Variants in TCF12 observed in about 807,000 individuals in gnomAD.
The protein encoded by TCF12 is DNA-binding protein HTF4.
TCF12 carries 45 observed loss-of-function variants against 86.0 expected under a neutral mutation model. That is an observed-to-expected ratio of 0.52 (90% CI 0.41 to 0.67). The LOEUF is 0.67. Ranked by LOEUF, TCF12 falls within the 30% of genes least tolerant of loss-of-function variation. The pLI is 0.00. For missense variants in TCF12, 881 were observed against 859.9 expected, an observed-to-expected ratio of 1.02 and a Z score of -0.31; for synonymous variants, 330 against 299.6, an observed-to-expected ratio of 1.10 and a Z score of -1.05.
chr15:57,122,351 A>G (rs1050027382), intron 5 of TCF12, among the ~76,000 whole-genome samples: 3 of 152,206 alleles, frequency 2.0e-5, no homozygotes, highest in African/African-American at 4.8e-5. Context: ...GCCAAAAAAC[A>G]AAACAGAAAG....
intron 6 of TCF12, among the ~76,000 whole-genome samples, chr15:57,179,351 G>C (rs1188682360): frequency 6.6e-6 from 1 of 152,108 alleles, no homozygotes; most frequent in African/African-American, 2.4e-5. Flanking sequence ...AGTCAAGCAT[G>C]ATGGTGTGCA....
At chr15:57,119,136 A>G (rs377494763) in intron 5 of TCF12, among the ~76,000 whole-genome samples, 3 of 152,052 alleles carry the variant, frequency 2.0e-5, no homozygotes, top group African/African-American at 7.2e-5. Flanking sequence ...CTCTTTCACC[A>G]GGCTGGAGTG....
intron 5 of TCF12, among the ~76,000 whole-genome samples, chr15:57,098,031 A>C (rs897742706): frequency 6.7e-5 from 10 of 150,334 alleles, no homozygotes; most frequent in Non-Finnish European, 1.2e-4. Flanking sequence ...AAAAAAAAAA[A>C]AAAACCAGTC....
intron 3 of TCF12, among the ~76,000 whole-genome samples, chr15:56,925,240 G>C (rs1235530010): frequency 5.6e-4 from 77 of 136,288 alleles, no homozygotes; most frequent in Non-Finnish European, 8.8e-4. Context: ...GGTGTCCACC[G>C]CCCCCCCACC....
intron 5 of TCF12, among the ~76,000 whole-genome samples, chr15:57,104,307 A>G (rs1188842036): frequency 6.6e-6 from 1 of 152,202 alleles, no homozygotes; most frequent in African/African-American, 2.4e-5. Flanking sequence ...GTTTAGCCAC[A>G]AAATCCAAAA....
At chr15:57,025,748 T>C (rs757196375) in intron 3 of TCF12, among the ~76,000 whole-genome samples, 1 of 152,218 alleles carries the variant, frequency 6.6e-6, no homozygotes, top group Non-Finnish European at 1.5e-5. Flanking sequence ...TAAAAGTTCT[T>C]ACGTAAGAAA....
rs181407926 is a variant in TCF12 at position 57,027,629 on chromosome 15, G to A, written c.149-36121G>A. 4.1e-3 allele frequency among the ~76,000 whole-genome samples: 617 copies of A among 152,158 alleles called. 6 individuals are homozygous for A. The highest frequency in any genetic ancestry group is 0.014 in the African/African-American group (585 of 41,516). ...GTATGGTTAATACTCTGAGAGAGTG[G>A]AAAAGTGCTTTTTTAAAGTGATCGT... On this transcript the variant is annotated intron_variant, in intron 3 of 20. Transcript: ENST00000333725.
chr15:57,186,929 C>T (rs556518653), intron 6 of TCF12, among the ~76,000 whole-genome samples: 23 of 152,260 alleles, frequency 1.5e-4, no homozygotes, highest in African/African-American at 5.3e-4. Flanking sequence ...ACCAGTAATT[C>T]CAACACTTTA....
intron 5 of TCF12, among the ~76,000 whole-genome samples, chr15:57,098,830 G>A (rs2049520992): frequency 1.3e-5 from 2 of 152,130 alleles, no homozygotes; most frequent in Admixed American, 1.3e-4. Flanking sequence ...TGGAGCATGG[G>A]GGACCTAGGG....
chr15:56,987,768 G>C (rs2063265885), intron 3 of TCF12, among the ~76,000 whole-genome samples: 1 of 152,122 alleles, frequency 6.6e-6, no homozygotes, highest in South Asian at 2.1e-4. Flanking sequence ...ACTGATGTGT[G>C]GTATTCTAAT....
intron 8 of TCF12, among the ~76,000 whole-genome samples, chr15:57,214,876 G>T (rs2058269205): frequency 6.6e-6 from 1 of 152,192 alleles, no homozygotes; most frequent in South Asian, 2.1e-4. Context: ...TGGAAAGATA[G>T]TAATTAGAAG....
chr15:57,074,175 CTA>C (rs1265007738), intron 4 of TCF12, among the ~76,000 whole-genome samples: 3 of 152,120 alleles, frequency 2.0e-5, no homozygotes, highest in African/African-American at 7.2e-5. Context: ...TTTCACCACT[CTA>C]TTTGACCTTG....
chr15:57,197,853 T>C (rs1467806513), intron 8 of TCF12, 28 bp downstream of exon 8: 1 of 1,610,038 alleles, frequency 6.2e-7, no homozygotes, highest in East Asian at 2.2e-5. Context: ...TTTAACTTGA[T>C]GGTAAACAAA....
chr15:57,042,040 G>A (rs1328186336), intron 3 of TCF12, among the ~76,000 whole-genome samples: 1 of 152,054 alleles, frequency 6.6e-6, no homozygotes, highest in African/African-American at 2.4e-5. Flanking sequence ...TAATATAATT[G>A]CCATTTTCTA....
At chr15:57,214,474 T>C (rs1004238304) in intron 8 of TCF12, 1 of 152,196 alleles carries the variant, frequency 6.6e-6, no homozygotes, top group Non-Finnish European at 1.5e-5. Flanking sequence ...GCCTTAAAAA[T>C]GCAGTTTACA....
intron 6 of TCF12, among the ~76,000 whole-genome samples, chr15:57,190,551 C>T (rs2056925140): frequency 6.6e-6 from 1 of 152,068 alleles, no homozygotes; most frequent in Non-Finnish European, 1.5e-5. Flanking sequence ...GTGTATTCAA[C>T]CCCCCTTCCT....
At chr15:57,238,721 C>A (rs1178868200) in intron 12 of TCF12, among the ~76,000 whole-genome samples, 2 of 152,078 alleles carry the variant, frequency 1.3e-5, no homozygotes, top group African/African-American at 2.4e-5. Flanking sequence ...TATTGGGCAC[C>A]TACTTTTACA....
intron 3 of TCF12, among the ~76,000 whole-genome samples, chr15:57,051,858 G>T (rs1409152874): frequency 4.6e-5 from 7 of 152,120 alleles, no homozygotes; most frequent in Admixed American, 3.9e-4. Context: ...TCTTTTGCAT[G>T]TGGACGTCCA....
intron 7 of TCF12, among the ~76,000 whole-genome samples, chr15:57,196,246 A>G (rs562296976): frequency 6.6e-6 from 1 of 152,294 alleles, no homozygotes; most frequent in African/African-American, 2.4e-5. Context: ...TATTCCCTGA[A>G]CAATACAGTA....
Sources: gnomAD v4.1 joint callset for allele counts (sites outside exome capture counted in the v4.1 genomes callset) on GRCh38, gnomAD v4.1.1 for gene constraint, MANE v1.5 for transcripts, NCBI Gene and HGNC (gene_info 2026-07-23, HGNC 2026-07-21) for gene names.